The following P2RY14 variants were observed in gnomAD, a reference collection of about 807,000 sequenced individuals.
P2RY14 encodes the protein purinergic receptor P2Y14.
Under a neutral mutation model 0.9 loss-of-function variants are expected in P2RY14, and 2 were observed. The observed-to-expected ratio is 2.16, with a 90% confidence interval of 0.88 to 6.79. The LOEUF (loss-of-function observed/expected upper bound fraction) is 6.79, where lower values mean the gene tolerates loss of function less well. P2RY14 is among the 30% of genes most tolerant of loss of function. The probability of loss-of-function intolerance (pLI) is 0.05; values close to 1 mark genes in which losing one functional copy is unlikely to be tolerated. For missense variants in P2RY14, 378 were observed against 400.1 expected (o/e 0.94, Z 0.47); for synonymous variants, 158 against 147.2 (o/e 1.07, Z -0.53).
intron 1 of P2RY14, among the ~76,000 whole-genome samples, chr3:151,271,049 T>C (rs966698078): frequency 6.6e-6 from 1 of 152,100 alleles, no homozygotes; most frequent in Non-Finnish European, 1.5e-5. Context: ...TTTAAAACTT[T>C]CATTTTTTTT....
chr3:151,229,734 G>C (rs547962925), intron 1 of P2RY14, among the ~76,000 whole-genome samples: 2 of 152,168 alleles, frequency 1.3e-5, no homozygotes, highest in South Asian at 4.1e-4. Flanking sequence ...CAAAGTGCTG[G>C]GATTACAGGC....
chr3:151,277,772 G>A (rs1742133545), intron 1 of P2RY14, among the ~76,000 whole-genome samples: 1 of 152,192 alleles, frequency 6.6e-6, no homozygotes, highest in Non-Finnish European at 1.5e-5. Context: ...TTTTATTTTA[G>A]TAGGTGTTAA....
At chr3:151,271,646 A>T (rs555419527) in intron 1 of P2RY14, among the ~76,000 whole-genome samples, 3 of 152,324 alleles carry the variant, frequency 2.0e-5, no homozygotes, top group African/African-American at 7.2e-5. Flanking sequence ...ATTGTGGTAT[A>T]CTCATAGAAT....
At chr3:151,257,354 T>A (rs905152235) in intron 1 of P2RY14, among the ~76,000 whole-genome samples, 3 of 152,256 alleles carry the variant, frequency 2.0e-5, no homozygotes, top group East Asian at 1.9e-4. Context: ...CCTGTTTTTT[T>A]AAATTGTTTA....
rs1054959022 is a variant in P2RY14, at chr3:151,219,516, G to C, written c.-25+19C>G. 6.6e-6 allele frequency: 1 copy of C among 152,152 alleles called. No individual in the cohort carries two copies. The highest frequency in any genetic ancestry group is 1.5e-5 in the Non-Finnish European group (1 of 68,034). 9.4% of individuals were successfully genotyped at this position (152,152 alleles called of 1,614,324 possible). On this transcript the variant is annotated intron_variant, in intron 2 of 2. Transcript: ENST00000309170. ...ATTAACAAAGCTCTTGATAATACTT[G>C]AGGGATTTAAAAAATTACCTTTTAA... is the stretch of plus-strand genomic sequence containing the variant.
intron 1 of P2RY14, among the ~76,000 whole-genome samples, chr3:151,247,146 C>G (rs974246025): frequency 2.6e-5 from 4 of 152,072 alleles, no homozygotes; most frequent in African/African-American, 9.7e-5. Flanking sequence ...GAAATAGGAA[C>G]ACTTTTACAC....
chr3:151,264,039 G>C (rs2149513127), intron 1 of P2RY14, among the ~76,000 whole-genome samples: 1 of 152,294 alleles, frequency 6.6e-6, no homozygotes, highest in Non-Finnish European at 1.5e-5. Context: ...TTCCATTTCA[G>C]TTTTTAAAGT....
intron 1 of P2RY14, among the ~76,000 whole-genome samples, chr3:151,260,282 T>C (rs764541463): frequency 5.9e-5 from 9 of 152,230 alleles, no homozygotes; most frequent in Non-Finnish European, 1.2e-4. Flanking sequence ...AAATGCATTA[T>C]GAACTTATGT....
chr3:151,256,842 GAC>G (rs1413435314), intron 1 of P2RY14, among the ~76,000 whole-genome samples: 1 of 145,914 alleles, frequency 6.9e-6, no homozygotes, highest in Non-Finnish European at 1.5e-5. Flanking sequence ...GGTGGGAAAT[GAC>G]AGAGGTTTTT....
At chr3:151,214,456 C>A in intron 2 of P2RY14, 116 bp from the exon 3 acceptor site, 2 of 644,190 alleles carry the variant, frequency 3.1e-6, no homozygotes, top group Middle Eastern at 4.2e-4. Context: ...TTTGAAGCCA[C>A]CTTTTTACTC....
At chr3:151,273,402 A>ATTTTTTTT (rs531443713) in intron 1 of P2RY14, among the ~76,000 whole-genome samples, 4 of 113,668 alleles carry the variant, frequency 3.5e-5, no homozygotes, top group African/African-American at 6.9e-5. Context: ...TAATTTTTGT[A>ATTTTTTTT]TTTTTTTTTT....
intron 1 of P2RY14, among the ~76,000 whole-genome samples, chr3:151,251,022 C>T (rs148006040): frequency 5.9e-5 from 9 of 152,288 alleles, no homozygotes; most frequent in Non-Finnish European, 1.3e-4. Flanking sequence ...TGATGATTCT[C>T]TCTGTGGTAC....
intron 1 of P2RY14, among the ~76,000 whole-genome samples, chr3:151,247,873 C>G (rs986287910): frequency 9.9e-5 from 15 of 151,212 alleles, no homozygotes; most frequent in African/African-American, 3.6e-4. Flanking sequence ...TCTGCCTTCC[C>G]TTAGTTGCAG....
chr3:151,229,405 C>T (rs1731171679), intron 1 of P2RY14, among the ~76,000 whole-genome samples: 2 of 147,032 alleles, frequency 1.4e-5, no homozygotes, highest in Non-Finnish European at 3.0e-5. Flanking sequence ...CTCCCGGGTT[C>T]AAGCGATTCT....
At chr3:151,221,173 A>T (rs931000248) in intron 1 of P2RY14, among the ~76,000 whole-genome samples, 8 of 152,204 alleles carry the variant, frequency 5.3e-5, no homozygotes, top group African/African-American at 1.2e-4. Context: ...GATTTAGGGT[A>T]TCTAGCTGAA....
At chr3:151,240,465 A>C (rs914086392) in intron 1 of P2RY14, among the ~76,000 whole-genome samples, 2 of 152,218 alleles carry the variant, frequency 1.3e-5, no homozygotes, top group African/African-American at 4.8e-5. Flanking sequence ...TGTCTTGTTT[A>C]GTTTCTCAGC....
intron 1 of P2RY14, among the ~76,000 whole-genome samples, chr3:151,239,896 T>C (rs12636396): frequency 0.31 from 47,038 of 152,126 alleles, 7,412 homozygotes; most frequent in Non-Finnish European, 0.34. Flanking sequence ...TTTAAAAATA[T>C]ATGAAACTTC....
At chr3:151,241,582 A>G (rs186841448) in intron 1 of P2RY14, among the ~76,000 whole-genome samples, 2 of 152,306 alleles carry the variant, frequency 1.3e-5, no homozygotes, top group East Asian at 3.9e-4. Context: ...TGGAATACAT[A>G]TGCACACACA....
At chr3:151,270,788 A>C (rs1447015775) in intron 1 of P2RY14, among the ~76,000 whole-genome samples, 2 of 152,204 alleles carry the variant, frequency 1.3e-5, no homozygotes, top group Non-Finnish European at 2.9e-5. Context: ...CACATTTAAA[A>C]TAAGTTCTCT....
Sources: gnomAD v4.1 joint callset for allele counts (sites outside exome capture counted in the v4.1 genomes callset) on GRCh38, gnomAD v4.1.1 for gene constraint, MANE v1.5 for transcripts, NCBI Gene and HGNC (gene_info 2026-07-23, HGNC 2026-07-21) for gene names.